Variants in ACTR8 observed in about 807,000 individuals in gnomAD.
The protein encoded by ACTR8 is actin-related protein 8.
ACTR8 carries 70 observed loss-of-function variants against 84.3 expected under a neutral mutation model. The observed-to-expected ratio is 0.83, with a 90% CI of 0.68 to 1.01. The LOEUF is 1.01. ACTR8 is among the 50% of genes least tolerant of loss of function. ACTR8 has a pLI of 0.00. For missense variants in ACTR8, 672 were observed against 775.4 expected, an observed-to-expected ratio of 0.87 and a Z score of 1.58; for synonymous variants, 268 against 275.2, an observed-to-expected ratio of 0.97 and a Z score of 0.26.
At position 53,881,963 on chromosome 3, in the gene ACTR8, C is replaced by A. The variant is rs543524890; in HGVS notation, c.123+16G>T. The A allele has an allele frequency of 3.2e-6, 5 of 1,555,356 alleles. No individual in the cohort carries two copies. The highest frequency in any genetic ancestry group is 1.4e-5 in the African/African-American group (1 of 73,354). Reference sequence around the variant, plus strand: ...CCAAGCAAGGGCAAAGAGTTCCAACCCAGCCAGAGCCGCACCTCTTGCAGC... The same window carrying A: ...CCAAGCAAGGGCAAAGAGTTCCAACACAGCCAGAGCCGCACCTCTTGCAGC... On this transcript the variant is annotated intron_variant, in intron 1 of 12. Coordinates refer to ENST00000335754, the MANE Select transcript of ACTR8 (RefSeq NM_022899.5).
In ACTR8 at chr3:53,880,568, C is replaced by T. The variant is rs75792366; in HGVS notation, c.124-459G>A. The stretch of plus-strand genomic sequence containing the variant: ...TCAGAGCTGGGCCACAGGAAGCATT[C>T]GAGGAATGTTGGCTCTTACTATAGT... On this transcript the variant is annotated intron_variant, in intron 1 of 12. Coordinates refer to ENST00000335754, the MANE Select transcript of ACTR8 (RefSeq NM_022899.5). Among the ~76,000 whole-genome samples, 1,268 of 152,282 alleles carry T rather than the reference C, an allele frequency of 8.3e-3. 18 individuals carry two copies. The highest frequency in any genetic ancestry group is 0.03 in the African/African-American group (1,233 of 41,560).
chr3:53,874,795 A>G (rs918606276), intron 7 of ACTR8, among the ~76,000 whole-genome samples: 1 of 152,192 alleles, frequency 6.6e-6, no homozygotes, highest in Admixed American at 6.5e-5. Context: ...GCAAGTTTCA[A>G]GAAATGTATG....
intron 2 of ACTR8, among the ~76,000 whole-genome samples, chr3:53,879,486 A>AC (rs1408285878): frequency 2.0e-5 from 3 of 150,798 alleles, no homozygotes; most frequent in Non-Finnish European, 4.4e-5. Context: ...CTGCAAGAAA[A>AC]TTTTTTTTTT....
Position 53,867,365 on chromosome 3 carries a change from C to T in ACTR8, c.*1354G>A, listed in dbSNP as rs891142048. 6.6e-6 allele frequency: 1 copy of T among 152,154 alleles called. No homozygotes were observed. Among genetic ancestry groups the T allele is most frequent in the Non-Finnish European group, 1.5e-5 (1 of 68,030 alleles). The allele number at this position is 152,154 out of a possible 1,614,324, so 9.4% of individuals were successfully genotyped here. ...TAACAAATTTAAAAAATAAAACATA[C>T]AATTTTCAAATTGAAGGCACACATC... On this transcript the variant is annotated 3_prime_UTR_variant, in exon 13 of 13. Transcript: ENST00000335754.
intron 8 of ACTR8, 111 bp downstream of exon 8, chr3:53,874,100 A>C (rs1049073122): frequency 8.9e-7 from 1 of 1,129,646 alleles, no homozygotes; most frequent in Non-Finnish European, 1.2e-6. Flanking sequence ...CTGGGATTAC[A>C]GGCATGAGCC....
At chr3:53,866,521 A>G (rs946789740), downstream of ACTR8, among the ~76,000 whole-genome samples, 4 of 151,756 alleles carry the variant, frequency 2.6e-5, no homozygotes, top group Admixed American at 6.6e-5. Context: ...TCACTCTGTC[A>G]CCCAGGCTGG....
chr3:53,860,374 A>G, the ACTR8 span: 3 of 557,640 alleles, frequency 5.4e-6, no homozygotes, highest in African/African-American at 1.9e-5. Flanking sequence ...GTGCTCCTAC[A>G]GAGACTGATA....
intron 7 of ACTR8, 147 bp from the exon 8 acceptor site, chr3:53,874,511 G>A: frequency 1.3e-6 from 1 of 756,350 alleles, no homozygotes. Context: ...GATCACTTGA[G>A]GCCAGGAGTT....
At chr3:53,880,693 C>T (rs149949021) in intron 1 of ACTR8, among the ~76,000 whole-genome samples, 104 of 152,316 alleles carry the variant, frequency 6.8e-4, no homozygotes, top group Middle Eastern at 6.8e-3. Context: ...CAGTCCCCTT[C>T]CTTAACTCCA....
chr3:53,881,923 C>A lies in ACTR8; in HGVS notation c.123+56G>T, dbSNP rs1342768620. The A allele has an allele frequency of 4.5e-6, 7 of 1,550,752 alleles. No individual in the cohort carries two copies. In the African/African-American group the frequency reaches 9.6e-5, roughly 21 times the overall value. On this transcript the variant is annotated intron_variant, in intron 1 of 12. Transcript: ENST00000335754. ...CCTCCCGCCGCCTCCCGCCCCTTGC[C>A]TGGCAGCGGAGGACCCAAGCAAGGG...
Position 53,871,317 on chromosome 3 carries a change from C to A in ACTR8, c.1482G>T (p.Leu494=). ...GNDSEEALTA[L]MSRKTAISLF... ...GCGAGATGGCAGTCTTCCTGGACATCAGTGCAGTGAGGGCCTCCTCGGAAT... is the reference window on the plus strand; with the variant it reads ...GCGAGATGGCAGTCTTCCTGGACATAAGTGCAGTGAGGGCCTCCTCGGAAT... Residue 494 remains leucine, a synonymous_variant, in exon 11 of 13, where the codon CTG becomes CTT. Coordinates refer to ENST00000335754, the MANE Select transcript of ACTR8 (RefSeq NM_022899.5). 2 of 1,614,248 alleles carry A rather than the reference C, an allele frequency of 1.2e-6. No homozygotes were observed. Among genetic ancestry groups the A allele is most frequent in the Non-Finnish European group, 1.7e-6 (2 of 1,180,046 alleles).
In ACTR8 at chr3:53,873,072, G is replaced by A. The variant is rs1252154227; in HGVS notation, c.1121C>T (p.Ala374Val). 1 of 1,611,864 alleles carries A rather than the reference G, an allele frequency of 6.2e-7. No individual in the cohort carries two copies. Among genetic ancestry groups the A allele is most frequent in the East Asian group, 2.2e-5 (1 of 44,882 alleles). The change falls in exon 9 of 13, where the codon GCC becomes GTC. Residue 374 changes from alanine (A) to valine (V), a missense_variant. Coordinates refer to ENST00000335754, the MANE Select transcript of ACTR8 (RefSeq NM_022899.5). ...TCCTAATCGAAACTGGTAAAGCAGGGCAGGAGAATCAGGATGTCGAATCTG... is the reference window on the plus strand; with the variant it reads ...TCCTAATCGAAACTGGTAAAGCAGGACAGGAGAATCAGGATGTCGAATCTG... ...EFQIRHPDSP[A>V]LLYQFRLGDE...
chr3:53,876,081 C>CGGGG lies in ACTR8; in HGVS notation c.779-2_779-1insCCCC, dbSNP rs1559793845. Reference sequence around the variant, plus strand: ...ACAGACTCCTGATGGACCACAATCCCTGGGGGGGGAAAAGAAAAGGCAGAG... The same window carrying CGGGG: ...ACAGACTCCTGATGGACCACAATCCCGGGGTGGGGGGGGAAAAGAAAAGGCAGAG... On this transcript the variant is annotated splice_acceptor_variant, in intron 6 of 12. Coordinates refer to ENST00000335754, the MANE Select transcript of ACTR8 (RefSeq NM_022899.5). LOFTEE classifies it high-confidence loss of function. The CGGGG allele has an allele frequency of 1.9e-6, 3 of 1,566,980 alleles. No individual in the cohort carries two copies. The African/African-American group carries it at 5.3e-5, about 28-fold the overall frequency.
downstream of ACTR8, among the ~76,000 whole-genome samples, chr3:53,866,654 TATATTTTTA>T (rs58065023): frequency 0.34 from 51,063 of 151,542 alleles, 8,839 homozygotes; most frequent in East Asian, 0.59. Context: ...GCTAACTTTT[TATATTTTTA>T]GTAGAGACGG....
intron 9 of ACTR8, 72 bp downstream of exon 9, chr3:53,872,960 G>T: frequency 1.7e-6 from 2 of 1,178,978 alleles, no homozygotes; most frequent in South Asian, 1.3e-5. Flanking sequence ...TCCAGCAAGG[G>T]CATATTCTCT....
intron 12 of ACTR8, 68 bp from the exon 13 acceptor site, chr3:53,868,930 TG>T: frequency 6.5e-7 from 1 of 1,549,120 alleles, no homozygotes; most frequent in East Asian, 2.3e-5. Context: ...TACTTGAATA[TG>T]GGGCCGAGAA....
chr3:53,865,032 C>T (rs761863476), downstream of ACTR8: 30 of 1,614,052 alleles, frequency 1.9e-5, no homozygotes, highest in African/African-American at 2.7e-5. Context: ...GTGGCAAGAG[C>T]GAGGGCAGTC....
chr3:53,868,987 T>C (rs1428513760), intron 12 of ACTR8, 125 bp from the exon 13 acceptor site: 5 of 1,313,800 alleles, frequency 3.8e-6, no homozygotes, highest in Non-Finnish European at 5.1e-6. Flanking sequence ...TTTCACCCTG[T>C]ATTAAAGACA....
At chr3:53,864,977 TCTTC>T, downstream of ACTR8, 1 of 1,614,156 alleles carries the variant, frequency 6.2e-7, no homozygotes, top group Non-Finnish European at 8.5e-7. Context: ...GACAAAGTCG[TCTTC>T]CTTCTTTCCA....
Sources: allele counts gnomAD v4.1 joint callset (sites outside exome capture counted in the v4.1 genomes callset), GRCh38; gene constraint gnomAD v4.1.1; transcripts MANE v1.5; gene names NCBI Gene and HGNC (gene_info 2026-07-23, HGNC 2026-07-21).